TBX20: variants seen among roughly 807,000 people sequenced by gnomAD.
TBX20 encodes the protein T-box transcription factor TBX20.
TBX20 carries 8 observed loss-of-function variants against 42.9 expected under a neutral mutation model. The ratio of observed to expected loss-of-function variants is 0.19; its 90% CI spans 0.11 to 0.34. The LOEUF (loss-of-function observed/expected upper bound fraction) is 0.34. Ranked by LOEUF, TBX20 falls within the 10% of genes least tolerant of loss-of-function variation. The pLI is 1.00. For missense variants in TBX20, 411 were observed against 566.0 expected (o/e 0.73, Z 2.78); for synonymous variants, 198 against 222.8 (o/e 0.89, Z 0.99).
intron 6 of TBX20, among the ~76,000 whole-genome samples, chr7:35,223,206 G>A (rs1789712939): frequency 6.6e-6 from 1 of 152,234 alleles, no homozygotes; most frequent in South Asian, 2.1e-4. Context: ...ATGCGGTTAT[G>A]AGCAGCTATG....
intron 4 of TBX20, among the ~76,000 whole-genome samples, chr7:35,243,419 C>T (rs1159802927): frequency 1.3e-5 from 2 of 152,110 alleles, no homozygotes; most frequent in East Asian, 1.9e-4. Flanking sequence ...TACTACCCAA[C>T]GAAGCTGATG....
intron 6 of TBX20, among the ~76,000 whole-genome samples, chr7:35,220,398 G>A (rs1789660717): frequency 6.6e-6 from 1 of 152,226 alleles, no homozygotes; most frequent in Admixed American, 6.5e-5. Flanking sequence ...CTCTGGAGGA[G>A]GGCATAAGGC....
At chr7:35,210,114 CTTTT>C (rs1254082002) in intron 6 of TBX20, among the ~76,000 whole-genome samples, 6 of 127,616 alleles carry the variant, frequency 4.7e-5, no homozygotes, top group Admixed American at 1.6e-4. Context: ...ATAATATTTT[CTTTT>C]TTTTTTTTTT....
intron 5 of TBX20, among the ~76,000 whole-genome samples, chr7:35,238,299 T>C (rs1190642338): frequency 6.6e-6 from 1 of 152,148 alleles, no homozygotes; most frequent in Non-Finnish European, 1.5e-5. Flanking sequence ...TCTCACCTAT[T>C]AAACCAAATC....
intron 3 of TBX20, among the ~76,000 whole-genome samples, chr7:35,248,367 T>C (rs1447385113): frequency 6.6e-6 from 1 of 152,226 alleles, no homozygotes; most frequent in Non-Finnish European, 1.5e-5. Flanking sequence ...AGGATGTCTA[T>C]ATTTATATTT....
chr7:35,213,174 T>C (rs1187982674), intron 6 of TBX20, among the ~76,000 whole-genome samples: 2 of 152,218 alleles, frequency 1.3e-5, no homozygotes, highest in African/African-American at 4.8e-5. Flanking sequence ...TAAAAAACAT[T>C]GTTTTGCATA....
At chr7:35,241,073 T>G in intron 4 of TBX20, 36 bp from the exon 5 acceptor site, 1 of 1,600,514 alleles carries the variant, frequency 6.2e-7, no homozygotes, top group Non-Finnish European at 8.6e-7. Context: ...GAATTTTACA[T>G]ACTTATACTG....
intron 6 of TBX20, among the ~76,000 whole-genome samples, chr7:35,227,244 T>C (rs1789788462): frequency 6.6e-6 from 1 of 152,146 alleles, no homozygotes; most frequent in Admixed American, 6.6e-5. Context: ...AAAACTGTTA[T>C]AATAAGCTAA....
intron 5 of TBX20, among the ~76,000 whole-genome samples, chr7:35,235,322 G>A: frequency 6.7e-6 from 1 of 148,536 alleles, no homozygotes; most frequent in Non-Finnish European, 1.5e-5. Context: ...GAGAACTAAT[G>A]AGAAAAAGAA....
In TBX20 at chr7:35,248,766, G is replaced by A. The variant is rs137852954; in HGVS notation, c.456C>T (p.Ile152=). The A allele has an allele frequency of 1.2e-6, 2 of 1,614,146 alleles. No homozygotes were observed. Among genetic ancestry groups the A allele is most frequent in the East Asian group, 2.2e-5 (1 of 44,878 alleles). ...GGTACCTCTTGTTGTCCACAGGGAC[G>A]ATGTCCATCAGGACTATGTACTTGG... The part of the protein sequence containing the change: ...PEAKYIVLMD[I]VPVDNKRYRY... Residue 152 remains isoleucine, a synonymous_variant, in exon 3 of 8, where the codon ATC becomes ATT. Coordinates refer to ENST00000408931, the MANE Select transcript of TBX20 (RefSeq NM_001077653.2).
rs139057819 is a variant in TBX20 at position 35,232,345 on chromosome 7, A to G, written c.814-765T>C. ...CTATTAGTGTAGAAAGATCCATGAA[A>G]TTATATGCACCATGACTCTGAAGGA... On this transcript the variant is annotated intron_variant, in intron 5 of 7. Transcript: ENST00000408931. 4.6e-3 allele frequency among the ~76,000 whole-genome samples: 706 copies of G among 152,358 alleles called. 6 individuals are homozygous for G. Among genetic ancestry groups the G allele is most frequent in the African/African-American group, 0.016 (666 of 41,582 alleles).
chr7:35,251,910 CCATCTCAAAAGCCAGGAGAGGGA>C (rs557537146), intron 1 of TBX20, among the ~76,000 whole-genome samples: 109 of 152,298 alleles, frequency 7.2e-4, no homozygotes, highest in African/African-American at 2.6e-3. Context: ...CTTTCAGAGC[CCATCTCAAAAGCCAGGAGAGGGA>C]CATGCATTTT....
At chr7:35,241,494 G>A (rs1440651933) in intron 4 of TBX20, among the ~76,000 whole-genome samples, 1 of 64,284 alleles carries the variant, frequency 1.6e-5, no homozygotes, top group Non-Finnish European at 4.0e-5. Flanking sequence ...AGACAGACTT[G>A]GGTAAAAATT....
intron 6 of TBX20, among the ~76,000 whole-genome samples, chr7:35,209,829 G>C (rs1475447741): frequency 6.6e-6 from 1 of 152,146 alleles, no homozygotes; most frequent in Non-Finnish European, 1.5e-5. Flanking sequence ...GCAGAATCCT[G>C]CAAGTTTTTA....
At chr7:35,243,319 A>C (rs10486660) in intron 4 of TBX20, among the ~76,000 whole-genome samples, 61,200 of 151,972 alleles carry the variant, frequency 0.4, 12,503 homozygotes, top group Admixed American at 0.47. Flanking sequence ...TGCATATAAG[A>C]AACCATCTAA....
Position 35,249,845 on chromosome 7 carries a change from G to A in TBX20, c.380+106C>T, listed in dbSNP as rs1310844234. Reference sequence around the variant, plus strand: ...TGCCCTGGAGCCAAGCTGTCTCTCCGCTCCATGACCAGCCAGCTCTCATCT... The same window carrying A: ...TGCCCTGGAGCCAAGCTGTCTCTCCACTCCATGACCAGCCAGCTCTCATCT... On this transcript the variant is annotated intron_variant, in intron 2 of 7. Transcript: ENST00000408931. This position sits in a 1 kb window ranked among gnomAD's most constrained non-coding sequence, Gnocchi z 4.3. 57 of 1,318,258 alleles carry A rather than the reference G, an allele frequency of 4.3e-5. No individual in the cohort carries two copies. Among genetic ancestry groups the A allele is most frequent in the African/African-American group, 1.0e-4 (7 of 67,646 alleles). The allele number at this position is 1,318,258 out of a possible 1,614,324, so 81.7% of individuals were successfully genotyped here. A position where few individuals can be genotyped will look rare whatever the true frequency, so the allele number is the denominator to read the frequency against.
At chr7:35,208,081 T>C (rs1184863370) in intron 6 of TBX20, among the ~76,000 whole-genome samples, 1 of 147,672 alleles carries the variant, frequency 6.8e-6, no homozygotes, top group Non-Finnish European at 1.5e-5. Context: ...TACATCCTTC[T>C]GTTTCATTAG....
chr7:35,230,519 A>AC (rs757801132), intron 6 of TBX20, among the ~76,000 whole-genome samples: 42 of 151,164 alleles, frequency 2.8e-4, no homozygotes, highest in Non-Finnish European at 3.1e-4. Flanking sequence ...CCTAAATCAA[A>AC]CCTCCCCCTC....
At chr7:35,205,977 G>A (rs1016081129) in intron 6 of TBX20, among the ~76,000 whole-genome samples, 3 of 152,168 alleles carry the variant, frequency 2.0e-5, no homozygotes, top group Non-Finnish European at 4.4e-5. Context: ...GTAAAATACA[G>A]AATGTTATGT....
Sources: allele counts gnomAD v4.1 joint callset (sites outside exome capture counted in the v4.1 genomes callset), GRCh38; gene constraint gnomAD v4.1.1; non-coding constraint Gnocchi (gnomAD v3.1); transcripts MANE v1.5; gene names NCBI Gene and HGNC (gene_info 2026-07-23, HGNC 2026-07-21).